The following ANK2 variants were observed in gnomAD, a reference collection of about 807,000 sequenced individuals.
ANK2 encodes ankyrin-2.
ANK2 carries 83 observed loss-of-function variants against 360.5 expected under a neutral mutation model. The observed-to-expected ratio is 0.23, with a 90% confidence interval of 0.19 to 0.28. The LOEUF (loss-of-function observed/expected upper bound fraction) is 0.28, where lower values mean the gene tolerates loss of function less well. Among genes scored for constraint, ANK2 ranks in the 10% least tolerant of loss-of-function variants. ANK2 has a pLI of 1.00. For missense variants in ANK2, 4,201 were observed against 4,795.7 expected (o/e 0.88, Z 3.66); for synonymous variants, 1,740 against 1,759.5 (o/e 0.99, Z 0.28).
intron 1 of ANK2, among the ~76,000 whole-genome samples, chr4:113,146,378 G>A (rs953154525): frequency 6.6e-6 from 1 of 152,128 alleles, no homozygotes; most frequent in South Asian, 2.1e-4. Flanking sequence ...ATTTATTCAT[G>A]TATAGTTCGT....
At chr4:113,296,966 A>G (rs29318) in intron 22 of ANK2, among the ~76,000 whole-genome samples, 1,596 of 152,150 alleles carry the variant, frequency 0.01, 24 homozygotes, top group African/African-American at 0.036. Context: ...AAATAAAAAT[A>G]TTATCTTATA....
chr4:113,016,885 C>CT (rs2056796949), intron 2 of ANK2, among the ~76,000 whole-genome samples: 1 of 152,152 alleles, frequency 6.6e-6, no homozygotes, highest in Admixed American at 6.5e-5. Flanking sequence ...ATGGGTTATC[C>CT]TTGACTGCCC....
At chr4:112,731,499 A>G in the ANK2 span, among the ~76,000 whole-genome samples, 7 of 152,092 alleles carry the variant, frequency 4.6e-5, no homozygotes, top group African/African-American at 7.2e-5. Flanking sequence ...TGAGGTGGGT[A>G]GATCTAGATC....
intron 2 of ANK2, among the ~76,000 whole-genome samples, chr4:112,922,483 A>G (rs939631683): frequency 2.6e-5 from 4 of 152,232 alleles, no homozygotes; most frequent in Admixed American, 6.5e-5. Flanking sequence ...ACCTTCAGCA[A>G]TGTTCTCAAG....
intron 1 of ANK2, among the ~76,000 whole-genome samples, chr4:112,850,775 C>T (rs1241322147): frequency 6.6e-6 from 1 of 151,878 alleles, no homozygotes; most frequent in Non-Finnish European, 1.5e-5. Flanking sequence ...CTCTGCCTCC[C>T]AAAGTGCTGG....
intron 26 of ANK2, among the ~76,000 whole-genome samples, chr4:113,320,846 A>G (rs1311799525): frequency 6.6e-6 from 1 of 152,198 alleles, no homozygotes; most frequent in Non-Finnish European, 1.5e-5. Flanking sequence ...AGGTATACCT[A>G]GTTCTCTCAA....
At chr4:112,724,945 G>T in the ANK2 span, among the ~76,000 whole-genome samples, 4 of 152,158 alleles carry the variant, frequency 2.6e-5, no homozygotes, top group African/African-American at 9.7e-5. Flanking sequence ...TACACGAAAT[G>T]TGGCATATAC....
intron 2 of ANK2, among the ~76,000 whole-genome samples, chr4:112,952,332 G>C (rs1398802976): frequency 1.3e-5 from 2 of 152,172 alleles, no homozygotes; most frequent in Non-Finnish European, 2.9e-5. Context: ...AATATAACTT[G>C]TTTGACTATA....
rs761246790 is a variant in ANK2, at chr4:113,355,925, C to T, written c.7307C>T (p.Ser2436Phe). 1.2e-6 allele frequency: 2 copies of T among 1,614,102 alleles called. No homozygotes were observed. Among genetic ancestry groups the T allele is most frequent in the Non-Finnish European group, 1.7e-6 (2 of 1,179,980 alleles). ...DDSLAVSHKDSLEASPVLEDN... is the reference protein window; with the variant it reads ...DDSLAVSHKDFLEASPVLEDN... The stretch of plus-strand genomic sequence containing the variant: ...TCATTAGCAGTGAGCCACAAAGACT[C>T]TCTGGAAGCCAGCCCTGTGCTAGAA... Residue 2436 changes from serine to phenylalanine, a missense_variant, in exon 38 of 46, where the codon TCT (serine) becomes TTT (phenylalanine). Physicochemically the swap from Ser to Phe is radical, Grantham distance 155. This residue lies in a region of ANK2 where 2,642 missense variants were observed against 2,714.5 expected (regional missense o/e 0.97). Coordinates refer to ENST00000357077, the MANE Select transcript of ANK2 (RefSeq NM_001148.6).
At chr4:113,350,200 C>T (rs1245251916) in intron 36 of ANK2, 28 bp from the exon 37 acceptor site, 1 of 1,601,168 alleles carries the variant, frequency 6.2e-7, no homozygotes, top group East Asian at 2.2e-5. Flanking sequence ...TATTTGTAAC[C>T]ATTCAATTTA....
chr4:113,239,820 G>C (rs1409566289), intron 7 of ANK2, among the ~76,000 whole-genome samples: 2 of 152,060 alleles, frequency 1.3e-5, no homozygotes, highest in Non-Finnish European at 2.9e-5. Context: ...AAATTGGAGT[G>C]AGCTGAACTT....
At chr4:112,962,734 C>T (rs190991218) in intron 2 of ANK2, among the ~76,000 whole-genome samples, 392 of 152,210 alleles carry the variant, frequency 2.6e-3, no homozygotes, top group Non-Finnish European at 4.7e-3. Flanking sequence ...CCTAATAAGT[C>T]AGAAGCTATA....
chr4:112,965,867 C>T (rs1340793156), intron 2 of ANK2, among the ~76,000 whole-genome samples: 1 of 151,852 alleles, frequency 6.6e-6, no homozygotes, highest in Non-Finnish European at 1.5e-5. Context: ...TTATAGCAAA[C>T]AATGTAATTC....
At chr4:112,880,953 T>C (rs113339681) in intron 1 of ANK2, 5 of 152,302 alleles carry the variant, frequency 3.3e-5, no homozygotes, top group African/African-American at 1.2e-4. Flanking sequence ...TAAAATTACA[T>C]GTACAGATAA....
intron 1 of ANK2, among the ~76,000 whole-genome samples, chr4:112,903,296 T>C (rs2084069809): frequency 1.3e-5 from 2 of 152,212 alleles, no homozygotes; most frequent in Non-Finnish European, 2.9e-5. Context: ...TATGCTTTAA[T>C]ATGCAGAGGG....
At chr4:113,113,139 T>G (rs922201346) in intron 1 of ANK2, among the ~76,000 whole-genome samples, 1 of 152,098 alleles carries the variant, frequency 6.6e-6, no homozygotes, top group Admixed American at 6.6e-5. Flanking sequence ...ATTAGAATAA[T>G]GAACTCTTGG....
intron 4 of ANK2, among the ~76,000 whole-genome samples, chr4:113,219,185 G>A (rs910519018): frequency 6.6e-6 from 1 of 151,996 alleles, no homozygotes; most frequent in Non-Finnish European, 1.5e-5. Context: ...AATCTATGTT[G>A]TTAGACAATT....
Position 113,159,191 on chromosome 4 carries a change from CCACACACA to C in ANK2, c.85-15193_85-15186del, listed in dbSNP as rs57967546. 6.4e-3 allele frequency among the ~76,000 whole-genome samples: 906 copies of C among 142,024 alleles called. 4 individuals are homozygous for C. Among genetic ancestry groups the C allele is most frequent in the Non-Finnish European group, 0.011 (710 of 66,046 alleles). 93.2% of individuals were successfully genotyped at this position (142,024 alleles called of 152,430 possible). On this transcript the variant is annotated intron_variant, in intron 1 of 45. Transcript: ENST00000357077. ...CCTCTCTCTCTCTTTCTCTTTCCTT[CCACACACA>C]CACACACACACACACACACACACAC...
At chr4:113,178,346 G>A (rs1165551880) in intron 2 of ANK2, among the ~76,000 whole-genome samples, 1 of 152,050 alleles carries the variant, frequency 6.6e-6, no homozygotes, top group African/African-American at 2.4e-5. Context: ...GAGGTGGGTG[G>A]ATTGCCTGAG....
Sources: gnomAD v4.1 joint callset for allele counts (sites outside exome capture counted in the v4.1 genomes callset) on GRCh38, gnomAD v4.1.1 for gene constraint, gnomAD v4.1.1 regional missense constraint, MANE v1.5 for transcripts, NCBI Gene and HGNC (gene_info 2026-07-23, HGNC 2026-07-21) for gene names.